WDR72: variants seen among roughly 807,000 people sequenced by gnomAD.
The protein encoded by WDR72 is WD repeat domain 72, also known as WD repeat-containing protein 72.
In WDR72, 120 loss-of-function variants were observed where a neutral mutation model predicts 124.2. The observed-to-expected ratio is 0.97, with a 90% CI of 0.83 to 1.12. WDR72 has a LOEUF of 1.12. Ranked by LOEUF, WDR72 falls within the 50% of genes most tolerant of loss-of-function variation. The pLI is 0.00. For synonymous variants in WDR72, 452 were observed against 441.7 expected (o/e 1.02, Z -0.29); for missense variants, 1,387 against 1,278.8 (o/e 1.08, Z -1.29).
At chr15:53,702,901 CA>C (rs1391060613) in intron 11 of WDR72, among the ~76,000 whole-genome samples, 3 of 117,626 alleles carry the variant, frequency 2.6e-5, no homozygotes, top group African/African-American at 1.1e-4. Flanking sequence ...TATTTTCATT[CA>C]TTTTTTTTTT....
intron 18 of WDR72, among the ~76,000 whole-genome samples, chr15:53,546,629 C>G (rs896701708): frequency 6.6e-6 from 1 of 151,948 alleles, no homozygotes; most frequent in African/African-American, 2.4e-5. Flanking sequence ...CTAACCTGCA[C>G]AATGTGCACA....
intron 14 of WDR72, among the ~76,000 whole-genome samples, chr15:53,638,049 G>A (rs1430950814): frequency 6.6e-6 from 1 of 152,160 alleles, no homozygotes; most frequent in Admixed American, 6.5e-5. Context: ...CCAGGAAAAT[G>A]AATGCATGAA....
At chr15:53,545,307 A>C (rs2140268541) in intron 18 of WDR72, among the ~76,000 whole-genome samples, 1 of 151,592 alleles carries the variant, frequency 6.6e-6, no homozygotes, top group East Asian at 1.9e-4. Flanking sequence ...ACTGGTACCG[A>C]AACAGAGATA....
At chr15:53,651,291 C>T (rs938497065) in intron 14 of WDR72, among the ~76,000 whole-genome samples, 5 of 152,174 alleles carry the variant, frequency 3.3e-5, no homozygotes, top group African/African-American at 1.2e-4. Context: ...TCTCTGACCA[C>T]CCAGGCTATC....
intron 14 of WDR72, among the ~76,000 whole-genome samples, chr15:53,650,731 T>C (rs17730436): frequency 0.21 from 32,240 of 151,902 alleles, 3,840 homozygotes; most frequent in East Asian, 0.46. Flanking sequence ...CACTTTGGGA[T>C]ATAGGTCAAC....
intron 18 of WDR72, 74 bp from the exon 19 acceptor site, chr15:53,523,396 A>G: frequency 7.1e-7 from 1 of 1,416,358 alleles, no homozygotes; most frequent in Non-Finnish European, 9.9e-7. Context: ...CACCATTAAA[A>G]CATTTCCTTT....
intron 2 of WDR72, among the ~76,000 whole-genome samples, chr15:53,730,859 A>G (rs1450998372): frequency 6.6e-6 from 1 of 152,196 alleles, no homozygotes; most frequent in Admixed American, 6.5e-5. Flanking sequence ...CCTTATGGAT[A>G]ACAAGAGGAT....
chr15:53,744,547 T>C lies in WDR72; in HGVS notation c.-12-11386A>G, dbSNP rs188052261. Among the ~76,000 whole-genome samples the C allele has an allele frequency of 3.1e-3, 476 of 152,304 alleles. 1 individual carries two copies. The highest frequency in any genetic ancestry group is 0.01 in the Middle Eastern group (3 of 294). The stretch of plus-strand genomic sequence containing the variant: ...AGAAATAGCAATAGGCTACCTACTC[T>C]AGCAACATTAACTTCCCAATCACCT... On this transcript the variant is annotated intron_variant, in intron 1 of 19. Transcript: ENST00000360509.
At chr15:53,740,538 C>T (rs901087525) in intron 1 of WDR72, among the ~76,000 whole-genome samples, 2 of 152,212 alleles carry the variant, frequency 1.3e-5, no homozygotes, top group Non-Finnish European at 2.9e-5. Context: ...CCTCGTGATC[C>T]GCCCGCCTCC....
intron 17 of WDR72, 80 bp from the exon 18 acceptor site, chr15:53,597,354 G>A: frequency 3.5e-6 from 5 of 1,421,910 alleles, no homozygotes; most frequent in Non-Finnish European, 4.9e-6. Context: ...CCAAAGCCCG[G>A]AATTTAAATT....
chr15:53,614,439 G>A (rs2013675358), intron 15 of WDR72, among the ~76,000 whole-genome samples: 1 of 152,058 alleles, frequency 6.6e-6, no homozygotes, highest in Non-Finnish European at 1.5e-5. Flanking sequence ...TTGAGTGGCT[G>A]CAGTAGAGAA....
chr15:53,590,286 C>G (rs2012431707), intron 18 of WDR72, among the ~76,000 whole-genome samples: 1 of 151,932 alleles, frequency 6.6e-6, no homozygotes, highest in Non-Finnish European at 1.5e-5. Flanking sequence ...TACCAGATGG[C>G]TTTTTCGGTT....
chr15:53,701,559 T>TCTCTCTCTCACACACACA (rs369568228), intron 12 of WDR72, among the ~76,000 whole-genome samples: 3 of 120,102 alleles, frequency 2.5e-5, no homozygotes, highest in African/African-American at 8.7e-5. Context: ...TCTCTCTCTC[T>TCTCTCTCTCACACACACA]CACACACACA....
chr15:53,615,467 T>C lies in WDR72; in HGVS notation c.2739A>G (p.Lys913=), dbSNP rs753812237. The part of the protein sequence containing the change: ...YLLSRLFLVN[K]LVNMPLELAC... ...CCAATTCTAAAGGCATGTTAACTAA[T>C]TTATTAACTAAAAATAGTCTGCTCA... The change falls in exon 15 of 20, where the codon AAA becomes AAG. Residue 913 remains lysine, a synonymous_variant. Coordinates refer to ENST00000360509, the MANE Select transcript of WDR72 (RefSeq NM_182758.4). 9.9e-6 allele frequency: 16 copies of C among 1,611,898 alleles called. No individual in the cohort carries two copies. Among genetic ancestry groups the C allele is most frequent in the Non-Finnish European group, 1.3e-5 (15 of 1,179,046 alleles).
chr15:53,754,957 C>G (rs140414599), intron 1 of WDR72, among the ~76,000 whole-genome samples: 1 of 152,298 alleles, frequency 6.6e-6, no homozygotes, highest in African/African-American at 2.4e-5. Flanking sequence ...TCTATCTTGG[C>G]AGAATTCAAT....
Position 53,705,979 on chromosome 15 carries a change from A to C in WDR72, c.1050T>G (p.Thr350=). 6.2e-7 allele frequency: 1 copy of C among 1,614,150 alleles called. No individual in the cohort carries two copies. The highest frequency in any genetic ancestry group is 8.5e-7 in the Non-Finnish European group (1 of 1,180,026). ...LFSGEVSGRI[T]LWHIPDVPVS... The stretch of plus-strand genomic sequence containing the variant: ...CAGGAACATCAGGGATGTGCCACAA[A>C]GTAATTCTTCCTGAGACTTCTCCAG... Residue 350 remains threonine (T), a synonymous_variant, in exon 10 of 20, where the codon ACT becomes ACG. Transcript: ENST00000360509.
intron 13 of WDR72, among the ~76,000 whole-genome samples, chr15:53,692,715 T>C (rs2016882274): frequency 6.6e-6 from 1 of 152,122 alleles, no homozygotes; most frequent in Admixed American, 6.5e-5. Flanking sequence ...ACATGCACAA[T>C]ATTGCATGAA....
At chr15:53,659,259 A>G (rs2015528677) in intron 14 of WDR72, among the ~76,000 whole-genome samples, 1 of 152,178 alleles carries the variant, frequency 6.6e-6, no homozygotes, top group Admixed American at 6.5e-5. Flanking sequence ...AAATACATCG[A>G]GGGAACTTGA....
chr15:53,546,934 A>G (rs1187168451), intron 18 of WDR72, among the ~76,000 whole-genome samples: 2 of 152,218 alleles, frequency 1.3e-5, no homozygotes, highest in Non-Finnish European at 1.5e-5. Context: ...AGTGATAGAA[A>G]GAGTAAGTAG....
Sources: allele counts gnomAD v4.1 joint callset (sites outside exome capture counted in the v4.1 genomes callset), GRCh38; gene constraint gnomAD v4.1.1; transcripts MANE v1.5; gene names NCBI Gene and HGNC (gene_info 2026-07-23, HGNC 2026-07-21).